The following CTDSPL variants were observed in gnomAD, a reference collection of about 807,000 sequenced individuals.
CTDSPL encodes CTD small phosphatase-like protein.
In CTDSPL, 8 loss-of-function variants were observed where a neutral mutation model predicts 30.5. The observed-to-expected ratio is 0.26, with a 90% confidence interval of 0.15 to 0.47. The LOEUF (loss-of-function observed/expected upper bound fraction) is 0.47. Among genes scored for constraint, CTDSPL ranks in the 20% least tolerant of loss-of-function variants. The pLI, the probability that CTDSPL is intolerant of heterozygous loss-of-function variation, is 0.99. For missense variants in CTDSPL, 248 were observed against 366.1 expected, an observed-to-expected ratio of 0.68 and a Z score of 2.63; for synonymous variants, 110 against 137.9, an observed-to-expected ratio of 0.80 and a Z score of 1.42.
At chr3:37,946,504 G>A in intron 1 of CTDSPL, among the ~76,000 whole-genome samples, 1 of 152,194 alleles carries the variant, frequency 6.6e-6, no homozygotes, top group East Asian at 1.9e-4. Flanking sequence ...CAAACTCTTG[G>A]CGAGTTTAAG....
rs140699913 is a variant in CTDSPL, at chr3:37,927,009, C to G, written c.80-20048C>G. Among the ~76,000 whole-genome samples the G allele has an allele frequency of 3.8e-3, 576 of 152,310 alleles. 2 individuals carry two copies. Among genetic ancestry groups the G allele is most frequent in the African/African-American group, 0.013 (557 of 41,564 alleles). On this transcript the variant is annotated intron_variant, in intron 1 of 7. Transcript: ENST00000273179. ...TGGGTACTTCACTTCTTGGTCACAT[C>G]TTGGCCAGTAAAATGGGGGTAATGG...
chr3:37,971,593 G>T (rs1448244026), intron 6 of CTDSPL, 94 bp downstream of exon 6: 1 of 1,149,016 alleles, frequency 8.7e-7, no homozygotes. Flanking sequence ...TTGTTTTGGT[G>T]GGGGAAGCCA....
Position 37,982,706 on chromosome 3 carries a change from A to G in CTDSPL, c.*1839A>G, listed in dbSNP as rs1575329224. ...TGAGTGTTCCAAACCAGTAATCCAC[A>G]TGCCAATTCAAATAGAACAGCCCCT... On this transcript the variant is annotated 3_prime_UTR_variant, in exon 8 of 8. Coordinates refer to ENST00000273179, the MANE Select transcript of CTDSPL (RefSeq NM_001008392.2). 2.2e-6 allele frequency: 1 copy of G among 453,770 alleles called. No homozygotes were observed. Among genetic ancestry groups the G allele is most frequent in the Non-Finnish European group, 4.5e-6 (1 of 224,538 alleles). The allele number at this position is 453,770 out of a possible 1,614,324, so 28.1% of individuals were successfully genotyped here. A position where few individuals can be genotyped will look rare whatever the true frequency, so the allele number is the denominator to read the frequency against.
intron 1 of CTDSPL, among the ~76,000 whole-genome samples, chr3:37,899,293 T>C (rs765954400): frequency 2.0e-5 from 3 of 152,154 alleles, no homozygotes; most frequent in Non-Finnish European, 4.4e-5. Flanking sequence ...ATCTTTTAAA[T>C]TGTAAAGTGA....
intron 1 of CTDSPL, chr3:37,944,792 A>G (rs1374537137): frequency 6.6e-6 from 1 of 150,486 alleles, no homozygotes; most frequent in South Asian, 2.2e-4. Context: ...TATACAGAGA[A>G]GGAAAGACCT....
chr3:37,910,540 C>G (rs1170395630), intron 1 of CTDSPL, among the ~76,000 whole-genome samples: 2 of 152,080 alleles, frequency 1.3e-5, no homozygotes, highest in African/African-American at 4.8e-5. Flanking sequence ...ATTTTACTTG[C>G]TAAACTCCAG....
At chr3:37,881,499 A>C (rs1431002676) in intron 1 of CTDSPL, among the ~76,000 whole-genome samples, 2 of 152,252 alleles carry the variant, frequency 1.3e-5, no homozygotes, top group Non-Finnish European at 2.9e-5. Flanking sequence ...ACTGCACTCC[A>C]GCCTGGATGA....
chr3:37,869,381 C>G (rs1348857764), intron 1 of CTDSPL, among the ~76,000 whole-genome samples: 4 of 152,004 alleles, frequency 2.6e-5, no homozygotes, highest in South Asian at 2.1e-4. Flanking sequence ...AAGCGACTAT[C>G]AATTGTATTT....
intron 1 of CTDSPL, among the ~76,000 whole-genome samples, chr3:37,878,903 A>T (rs1423364639): frequency 6.6e-6 from 1 of 152,250 alleles, no homozygotes; most frequent in Non-Finnish European, 1.5e-5. Context: ...TAGTATAAAA[A>T]TGATGACTGT....
chr3:37,900,034 A>C (rs1698431487), intron 1 of CTDSPL, among the ~76,000 whole-genome samples: 1 of 152,196 alleles, frequency 6.6e-6, no homozygotes, highest in African/African-American at 2.4e-5. Context: ...TGAGAGGTTA[A>C]ACAACTTGCC....
chr3:37,932,376 T>G (rs1419174165), intron 1 of CTDSPL, among the ~76,000 whole-genome samples: 1 of 152,144 alleles, frequency 6.6e-6, no homozygotes, highest in Non-Finnish European at 1.5e-5. Context: ...CCGTAACAAC[T>G]ATAAACAAAA....
chr3:37,973,048 G>A (rs957698476), intron 6 of CTDSPL, among the ~76,000 whole-genome samples: 7 of 152,220 alleles, frequency 4.6e-5, no homozygotes, highest in African/African-American at 9.6e-5. Context: ...ATTGAGGGGC[G>A]GGAGAGCCCC....
intron 1 of CTDSPL, among the ~76,000 whole-genome samples, chr3:37,903,926 G>A (rs1812423): frequency 0.23 from 34,727 of 152,124 alleles, 5,162 homozygotes; most frequent in African/African-American, 0.42. Flanking sequence ...GCTGCCACCA[G>A]GTTACTGACT....
At chr3:37,964,943 T>A (rs1699283598) in intron 4 of CTDSPL, among the ~76,000 whole-genome samples, 1 of 152,200 alleles carries the variant, frequency 6.6e-6, no homozygotes, top group African/African-American at 2.4e-5. Context: ...CTGTAACCGC[T>A]GCAGAAATAC....
In CTDSPL at chr3:37,862,388, G is replaced by T; in HGVS notation, c.79+110G>T. ...CCTGGGGGAGGGGTGCACAGGGCCCGGAGGGTGCGTGGGTGTGGGGTGCGC... is the reference window on the plus strand; with the variant it reads ...CCTGGGGGAGGGGTGCACAGGGCCCTGAGGGTGCGTGGGTGTGGGGTGCGC... On this transcript the variant is annotated intron_variant, in intron 1 of 7. Coordinates refer to ENST00000273179, the MANE Select transcript of CTDSPL (RefSeq NM_001008392.2). The surrounding 1 kb of genome is among the most constrained non-coding windows in gnomAD (Gnocchi z 4.3). The T allele has an allele frequency of 1.1e-6, 1 of 914,964 alleles. No homozygotes were observed. Among genetic ancestry groups the T allele is most frequent in the Non-Finnish European group, 1.4e-6 (1 of 689,690 alleles). 56.7% of individuals were successfully genotyped at this position (914,964 alleles called of 1,614,324 possible).
chr3:37,948,055 G>A (rs986802829), intron 2 of CTDSPL, among the ~76,000 whole-genome samples: 2 of 152,016 alleles, frequency 1.3e-5, no homozygotes, highest in South Asian at 2.1e-4. Flanking sequence ...AGGCCAAGGC[G>A]GGCAGATCAC....
intron 7 of CTDSPL, among the ~76,000 whole-genome samples, chr3:37,980,404 G>A (rs1559650981): frequency 1.3e-5 from 2 of 152,218 alleles, no homozygotes; most frequent in African/African-American, 4.8e-5. Context: ...AACCGATCTT[G>A]TGCAGTAGAA....
intron 1 of CTDSPL, among the ~76,000 whole-genome samples, chr3:37,887,173 A>G (rs1206431734): frequency 6.6e-6 from 1 of 152,090 alleles, no homozygotes; most frequent in Admixed American, 6.6e-5. Context: ...TTATTTTTCA[A>G]AGTACTCTTG....
rs149861195 is a variant in CTDSPL at position 37,887,392 on chromosome 3, A to T, written c.79+25114A>T. Among the ~76,000 whole-genome samples the T allele has an allele frequency of 4.6e-3, 703 of 152,226 alleles. 6 individuals are homozygous for T. The highest frequency in any genetic ancestry group is 0.01 in the Middle Eastern group (3 of 294). ...CCTTGAGCTTGCCAAACCCCAGCAC[A>T]TGGAGACCTGGGCCAGGATTAGGAG... On this transcript the variant is annotated intron_variant, in intron 1 of 7. Coordinates refer to ENST00000273179, the MANE Select transcript of CTDSPL (RefSeq NM_001008392.2).
Sources: allele counts gnomAD v4.1 joint callset (sites outside exome capture counted in the v4.1 genomes callset), GRCh38; gene constraint gnomAD v4.1.1; non-coding constraint Gnocchi (gnomAD v3.1); transcripts MANE v1.5; gene names NCBI Gene and HGNC (gene_info 2026-07-23, HGNC 2026-07-21).